The following TMBIM4 variants were observed in gnomAD, a reference collection of about 807,000 sequenced individuals.
TMBIM4 encodes transmembrane BAX inhibitor motif containing 4.
TMBIM4 carries 28 observed loss-of-function variants against 27.7 expected under a neutral mutation model. The observed-to-expected ratio is 1.01, with a 90% CI of 0.75 to 1.38. TMBIM4 has a LOEUF of 1.38. Ranked by LOEUF, TMBIM4 falls within the 40% of genes most tolerant of loss-of-function variation. TMBIM4 has a pLI of 0.00. For synonymous variants in TMBIM4, 115 were observed against 113.1 expected (o/e 1.02, Z -0.11); for missense variants, 265 against 277.5 (o/e 0.95, Z 0.32).
intron 1 of TMBIM4, chr12:66,161,008 G>GCCA (rs2052029831): frequency 7.4e-6 from 1 of 134,402 alleles, no homozygotes. Context: ...GGCAGCGGCG[G>GCCA]GTCAGAGGCG....
chr12:66,156,630 C>T (rs775442492), intron 1 of TMBIM4, among the ~76,000 whole-genome samples: 3 of 152,156 alleles, frequency 2.0e-5, no homozygotes, highest in Admixed American at 6.5e-5. Context: ...CTTAAATAAT[C>T]GTTCCACTTA....
chr12:66,160,348 C>T (rs1327079475), intron 1 of TMBIM4: 2 of 599,250 alleles, frequency 3.3e-6, no homozygotes, highest in African/African-American at 1.9e-5. Flanking sequence ...ACTCTTTTGA[C>T]TCTATCATTT....
intron 3 of TMBIM4, among the ~76,000 whole-genome samples, chr12:66,149,845 G>A (rs2051815757): frequency 1.3e-5 from 2 of 150,960 alleles, no homozygotes; most frequent in Admixed American, 1.3e-4. Context: ...ATTCTAAGTT[G>A]AGGACTATCT....
rs369884779 is a variant in TMBIM4, at chr12:66,145,945, A to G, written c.360T>C (p.Asp120=). The change falls in exon 5 of 7, where the codon GAT becomes GAC. Residue 120 remains aspartate, a synonymous_variant. Coordinates refer to ENST00000358230, the MANE Select transcript of TMBIM4 (RefSeq NM_016056.4). Reference sequence around the variant, plus strand: ...TGAAAGCTTGCAGAATAATATATACATCATAGAAAGTAACTGTAAAATTAA... The same window carrying G: ...TGAAAGCTTGCAGAATAATATATACGTCATAGAAAGTAACTGTAAAATTAA... ...LTVAVVVTFY[D]VYIILQAFIL... The G allele has an allele frequency of 2.6e-6, 4 of 1,544,196 alleles. No homozygotes were observed. In the African/African-American group the frequency reaches 4.1e-5, roughly 16 times the overall value.
At position 66,138,722 on chromosome 12, in the gene TMBIM4, A is replaced by G. The variant is rs754454618; in HGVS notation, c.510+2T>C. 1 of 1,549,594 alleles carries G rather than the reference A, an allele frequency of 6.5e-7. No homozygotes were observed. The highest frequency in any genetic ancestry group is 2.4e-5 in the East Asian group (1 of 41,246). On this transcript the variant is annotated splice_donor_variant, in intron 6 of 6. Transcript: ENST00000358230. LOFTEE classifies it high-confidence loss of function. ...CAAATTAACCATTATAACATAACTT[A>G]CCTTCAAGAATCCTGACAGGCACAA...
At chr12:66,168,344 TCA>T (rs1336144222) in intron 1 of TMBIM4, among the ~76,000 whole-genome samples, 1 of 151,994 alleles carries the variant, frequency 6.6e-6, no homozygotes, top group Admixed American at 6.6e-5. Context: ...GTAGCCAAAT[TCA>T]CAGAGAGAGA....
chr12:66,152,380 A>G lies in TMBIM4; in HGVS notation c.207-4T>C. The G allele has an allele frequency of 6.3e-7, 1 of 1,598,060 alleles. No individual in the cohort carries two copies. The highest frequency in any genetic ancestry group is 8.6e-7 in the Non-Finnish European group (1 of 1,168,944). On this transcript the variant is annotated splice_region_variant and splice_polypyrimidine_tract_variant and intron_variant, in intron 2 of 6. Transcript: ENST00000358230. Reference sequence around the variant, plus strand: ...AAACAGCAAAATTAAGGCAGGACTGAAAGACATAATATTAAGTGTTTCAAG... The same window carrying G: ...AAACAGCAAAATTAAGGCAGGACTGGAAGACATAATATTAAGTGTTTCAAG...
intron 1 of TMBIM4, among the ~76,000 whole-genome samples, chr12:66,159,963 T>A (rs2052006746): frequency 6.6e-6 from 1 of 152,238 alleles, no homozygotes; most frequent in Admixed American, 6.5e-5. Context: ...TAACACATGA[T>A]TACATTTTTT....
At chr12:66,151,167 A>G (rs2051838773) in intron 3 of TMBIM4, among the ~76,000 whole-genome samples, 1 of 107,898 alleles carries the variant, frequency 9.3e-6, no homozygotes, top group Non-Finnish European at 1.8e-5. Context: ...CAGAATTCAT[A>G]AACTTTTTAG....
At chr12:66,150,064 A>C (rs2051819739) in intron 3 of TMBIM4, among the ~76,000 whole-genome samples, 1 of 152,252 alleles carries the variant, frequency 6.6e-6, no homozygotes, top group Non-Finnish European at 1.5e-5. Flanking sequence ...TAGATTTAAC[A>C]ATCAGTGATT....
At chr12:66,141,843 A>G (rs1036693842) in intron 5 of TMBIM4, among the ~76,000 whole-genome samples, 3 of 152,186 alleles carry the variant, frequency 2.0e-5, no homozygotes, top group Admixed American at 1.3e-4. Context: ...ATGCAAAATT[A>G]TAGAATTTAC....
intron 1 of TMBIM4, among the ~76,000 whole-genome samples, chr12:66,155,742 C>A (rs2051925309): frequency 6.6e-6 from 1 of 152,052 alleles, no homozygotes; most frequent in Non-Finnish European, 1.5e-5. Context: ...TATTTCTTAC[C>A]ATTTTGTAAA....
At chr12:66,141,951 A>T (rs2051675544) in intron 5 of TMBIM4, among the ~76,000 whole-genome samples, 1 of 152,202 alleles carries the variant, frequency 6.6e-6, no homozygotes, top group African/African-American at 2.4e-5. Flanking sequence ...CAAATAGAAC[A>T]CTTAACATTA....
In TMBIM4 at chr12:66,139,614, A is replaced by G. The variant is rs1195896039; in HGVS notation, c.465-845T>C. On this transcript the variant is annotated intron_variant, in intron 5 of 6. Transcript: ENST00000358230. ...CCTTGAGTTGAGCAGACAAGAATTC[A>G]GAGGTCAGGGAAGCCAAGGTAGCTA... The G allele has an allele frequency of 1.1e-5, 5 of 455,954 alleles. No homozygotes were observed. In the East Asian group the frequency reaches 3.5e-4, roughly 32 times the overall value. The allele number at this position is 455,954 out of a possible 1,614,324, so 28.2% of individuals were successfully genotyped here.
intron 1 of TMBIM4, among the ~76,000 whole-genome samples, chr12:66,165,605 T>C (rs2052113168): frequency 6.6e-6 from 1 of 152,110 alleles, no homozygotes; most frequent in Admixed American, 6.5e-5. Flanking sequence ...TTTAGTGGGG[T>C]ATGTGTTCAA....
At chr12:66,146,129 C>T (rs528103635) in intron 4 of TMBIM4, among the ~76,000 whole-genome samples, 171 bp from the exon 5 acceptor site, 214 of 152,184 alleles carry the variant, frequency 1.4e-3, no homozygotes, top group African/African-American at 4.7e-3. Flanking sequence ...GAAACCACAC[C>T]CATAATGCAA....
intron 1 of TMBIM4, among the ~76,000 whole-genome samples, chr12:66,159,714 G>A (rs1302541160): frequency 6.6e-6 from 1 of 152,102 alleles, no homozygotes; most frequent in Non-Finnish European, 1.5e-5. Context: ...AACTAAAATA[G>A]CTGCCACCCT....
Position 66,138,763 on chromosome 12 carries a change from A to T in TMBIM4, c.471T>A (p.Phe157Leu), listed in dbSNP as rs1176088335. The change falls in exon 6 of 7, where the codon TTT (phenylalanine) becomes TTA (leucine). Residue 157 changes from phenylalanine to leucine, a missense_variant. Coordinates refer to ENST00000358230, the MANE Select transcript of TMBIM4 (RefSeq NM_016056.4). ...KDFSKFGAGL[F>L]ALLWILCLSG... ...ACAGGCACAATATCCACAAAAGAGC[A>T]AACAGCCTATAAAAATACAATTTTA... 1 of 1,546,730 alleles carries T rather than the reference A, an allele frequency of 6.5e-7. No homozygotes were observed. The highest frequency in any genetic ancestry group is 8.6e-7 in the Non-Finnish European group (1 of 1,156,108).
chr12:66,139,331 C>A (rs1188580216), intron 5 of TMBIM4, among the ~76,000 whole-genome samples: 1 of 152,118 alleles, frequency 6.6e-6, no homozygotes, highest in Non-Finnish European at 1.5e-5. Flanking sequence ...AGAAGTCAGT[C>A]TTTTGTTATA....
Sources: allele counts gnomAD v4.1 joint callset (sites outside exome capture counted in the v4.1 genomes callset), GRCh38; gene constraint gnomAD v4.1.1; transcripts MANE v1.5; gene names NCBI Gene and HGNC (gene_info 2026-07-23, HGNC 2026-07-21).